Variants in PRH1 observed in about 807,000 individuals in gnomAD.
PRH1 encodes proline rich protein HaeIII subfamily 1.
A neutral mutation model predicts 7.9 loss-of-function variants in PRH1; 7 were observed. The ratio of observed to expected loss-of-function variants is 0.89; its 90% CI spans 0.50 to 1.67. The LOEUF is 1.67. PRH1 is among the 40% of genes most tolerant of loss of function. The pLI is 0.00. For synonymous variants in PRH1, 45 were observed against 80.8 expected (o/e 0.56, Z 2.38); for missense variants, 109 against 223.6 (o/e 0.49, Z 3.27).
At chr12:10,987,445 T>A (rs1939706682) in intron 1 of PRH1, among the ~76,000 whole-genome samples, 1 of 152,004 alleles carries the variant, frequency 6.6e-6, no homozygotes, top group South Asian at 2.1e-4. Flanking sequence ...TTGGGAACCA[T>A]AAGAAGACCA....
At chr12:10,882,823 C>G (rs943868283) in intron 2 of PRH1, 125 bp from the exon 3 acceptor site, 1 of 1,494,282 alleles carries the variant, frequency 6.7e-7, no homozygotes, top group African/African-American at 1.4e-5. Flanking sequence ...CCCAACCTCC[C>G]CCCTTCCCAA....
chr12:11,157,136 A>C (rs1480638725), intron 1 of PRH1, among the ~76,000 whole-genome samples: 1 of 152,208 alleles, frequency 6.6e-6, no homozygotes, highest in Admixed American at 6.5e-5. Context: ...ACTTTGGTCA[A>C]GAATAGAATA....
At chr12:10,994,478 C>T (rs143784437) in intron 1 of PRH1, among the ~76,000 whole-genome samples, 1 of 152,324 alleles carries the variant, frequency 6.6e-6, no homozygotes, top group African/African-American at 2.4e-5. Flanking sequence ...ACCATGCTGT[C>T]TCTCTCACAT....
At chr12:10,956,372 C>T (rs1937959379) in intron 2 of PRH1, among the ~76,000 whole-genome samples, 1 of 152,128 alleles carries the variant, frequency 6.6e-6, no homozygotes, top group Non-Finnish European at 1.5e-5. Flanking sequence ...AATTCAATGT[C>T]TCTTCATATT....
intron 1 of PRH1, among the ~76,000 whole-genome samples, chr12:11,004,346 A>C (rs1051800115): frequency 4.6e-5 from 7 of 152,104 alleles, no homozygotes; most frequent in Non-Finnish European, 1.0e-4. Context: ...AAAATACTAA[A>C]AATACAAAAA....
chr12:11,019,415 A>G (rs1321344789), intron 1 of PRH1, among the ~76,000 whole-genome samples: 1 of 152,288 alleles, frequency 6.6e-6, no homozygotes. Flanking sequence ...TCCCAAATAA[A>G]TGTCATCACT....
chr12:11,145,810 C>T (rs1946843947), intron 1 of PRH1, among the ~76,000 whole-genome samples: 1 of 152,066 alleles, frequency 6.6e-6, no homozygotes, highest in Non-Finnish European at 1.5e-5. Context: ...CTGAGAAATT[C>T]TGCTCTATAT....
At chr12:11,020,364 ATATAT>A (rs1565557235) in intron 1 of PRH1, among the ~76,000 whole-genome samples, 6,004 of 132,920 alleles carry the variant, frequency 0.045, 595 homozygotes, top group African/African-American at 0.15. Flanking sequence ...ATGATAAGCG[ATATAT>A]ATATATATAT....
At chr12:10,987,085 TC>T (rs1421672948) in intron 1 of PRH1, among the ~76,000 whole-genome samples, 2 of 152,184 alleles carry the variant, frequency 1.3e-5, no homozygotes, top group Non-Finnish European at 2.9e-5. Context: ...TCAAAACAGC[TC>T]AAATTAACTC....
At chr12:10,997,168 T>C (rs1240332257) in intron 1 of PRH1, 3 of 1,613,938 alleles carry the variant, frequency 1.9e-6, no homozygotes, top group Non-Finnish European at 2.5e-6. Flanking sequence ...TGGCAAGTAA[T>C]ATGAGGAAGG....
At chr12:11,099,818 C>T (rs541604851) in intron 1 of PRH1, among the ~76,000 whole-genome samples, 3 of 152,258 alleles carry the variant, frequency 2.0e-5, no homozygotes, top group African/African-American at 7.2e-5. Flanking sequence ...CTCTGCTAAA[C>T]CAAGAGTGTG....
chr12:11,153,924 A>C (rs949923051), intron 1 of PRH1, among the ~76,000 whole-genome samples: 9 of 152,268 alleles, frequency 5.9e-5, no homozygotes, highest in East Asian at 5.8e-4. Context: ...TATTACCCCC[A>C]AAAAAATGGC....
intron 1 of PRH1, among the ~76,000 whole-genome samples, chr12:11,146,102 A>G (rs747476554): frequency 1.3e-4 from 20 of 152,124 alleles, no homozygotes; most frequent in Non-Finnish European, 2.9e-4. Flanking sequence ...TGCTTCTACC[A>G]GTAGTGAAAG....
At chr12:11,016,096 A>G (rs1565551703) in intron 1 of PRH1, among the ~76,000 whole-genome samples, 1 of 152,186 alleles carries the variant, frequency 6.6e-6, no homozygotes, top group Non-Finnish European at 1.5e-5. Context: ...CTTTCACCCA[A>G]CAGAAGGGCA....
At chr12:10,996,153 T>TAA (rs966765090) in intron 1 of PRH1, among the ~76,000 whole-genome samples, 1 of 140,340 alleles carries the variant, frequency 7.1e-6, no homozygotes, top group Non-Finnish European at 1.6e-5. Flanking sequence ...CCATCTCTAC[T>TAA]AAAAAAAAAA....
intron 2 of PRH1, among the ~76,000 whole-genome samples, chr12:10,914,492 G>C (rs1015043088): frequency 1.3e-5 from 2 of 152,194 alleles, no homozygotes; most frequent in Non-Finnish European, 2.9e-5. Context: ...ACCTGTCTAA[G>C]GTTAGACAAG....
intron 2 of PRH1, among the ~76,000 whole-genome samples, chr12:10,892,813 C>A (rs897909393): frequency 6.6e-6 from 1 of 152,052 alleles, no homozygotes; most frequent in Non-Finnish European, 1.5e-5. Flanking sequence ...TTTTCACCCA[C>A]AAATTATTTT....
intron 1 of PRH1, among the ~76,000 whole-genome samples, chr12:11,164,833 A>C (rs899798489): frequency 1.3e-5 from 2 of 152,182 alleles, no homozygotes; most frequent in African/African-American, 2.4e-5. Context: ...TATACAGTTT[A>C]CTTTTGGCAA....
intron 1 of PRH1, among the ~76,000 whole-genome samples, chr12:10,991,382 A>T (rs994105451): frequency 6.6e-6 from 1 of 152,170 alleles, no homozygotes; most frequent in Non-Finnish European, 1.5e-5. Flanking sequence ...TTCTATAATG[A>T]TAATCCCCTG....
Sources: gnomAD v4.1 joint callset for allele counts (sites outside exome capture counted in the v4.1 genomes callset) on GRCh38, gnomAD v4.1.1 for gene constraint, MANE v1.5 for transcripts, NCBI Gene and HGNC (gene_info 2026-07-23, HGNC 2026-07-21) for gene names.